SIK2: variants seen among roughly 807,000 people sequenced by gnomAD.
The protein encoded by SIK2 is serine/threonine-protein kinase SIK2.
In SIK2, 29 loss-of-function variants were observed where a neutral mutation model predicts 103.2. The observed-to-expected ratio is 0.28, with a 90% CI of 0.21 to 0.38. The LOEUF is 0.38. Among genes scored for constraint, SIK2 ranks in the 10% least tolerant of loss-of-function variants. The pLI is 1.00. For missense variants in SIK2, 879 were observed against 1,171.0 expected (o/e 0.75, Z 3.64); for synonymous variants, 412 against 446.1 (o/e 0.92, Z 0.96).
chr11:111,708,027 T>C (rs1383961232), intron 8 of SIK2, among the ~76,000 whole-genome samples: 1 of 152,214 alleles, frequency 6.6e-6, no homozygotes, highest in Admixed American at 6.5e-5. Flanking sequence ...CTAGCCACTG[T>C]GGCTTCAGAA....
At position 111,728,726 on chromosome 11, in the gene SIK2, A is replaced by C. The variant is rs996432746; in HGVS notation, c.*4597A>C. On this transcript the variant is annotated 3_prime_UTR_variant, in exon 15 of 15. Coordinates refer to ENST00000304987, the MANE Select transcript of SIK2 (RefSeq NM_015191.3). The stretch of plus-strand genomic sequence containing the variant: ...GGCGGATCACGAGGTCAGGAGATTG[A>C]GACCATCCTAACACAGTGAAACGCC... The C allele has an allele frequency of 6.6e-6, 1 of 152,156 alleles. No individual in the cohort carries two copies. Among genetic ancestry groups the C allele is most frequent in the African/African-American group, 2.4e-5 (1 of 41,402 alleles). 9.4% of individuals were successfully genotyped at this position (152,156 alleles called of 1,614,324 possible).
chr11:111,687,188 A>T (rs1334125982), intron 3 of SIK2, among the ~76,000 whole-genome samples: 1 of 152,142 alleles, frequency 6.6e-6, no homozygotes, highest in African/African-American at 2.4e-5. Flanking sequence ...TTGGGCTGTC[A>T]CCATTTATTT....
At chr11:111,660,390 A>C (rs2135870767) in intron 3 of SIK2, among the ~76,000 whole-genome samples, 2 of 152,312 alleles carry the variant, frequency 1.3e-5, no homozygotes, top group Middle Eastern at 6.8e-3. Flanking sequence ...ATTTTACCTG[A>C]AGAAAATTGA....
In SIK2 at chr11:111,723,673, C is replaced by A. The variant is rs111728096; in HGVS notation, c.2325C>A (p.Ser775Arg). The A allele has an allele frequency of 6.2e-7, 1 of 1,613,716 alleles. No homozygotes were observed. Among genetic ancestry groups the A allele is most frequent in the African/African-American group, 1.3e-5 (1 of 74,930 alleles). The change falls in exon 15 of 15, where the codon AGC becomes AGA. Residue 775 changes from serine to arginine, a missense_variant. This residue lies in a region of SIK2 where 375 missense variants were observed against 416.3 expected (regional missense o/e 0.90). Transcript: ENST00000304987. ...APPFSLTQPL[S>R]PVLEPSSEQM... ...CGTTCAGCCTGACCCAGCCCCTGAG[C>A]CCCGTCCTGGAGCCTTCCTCCGAGC... is the stretch of plus-strand genomic sequence containing the variant.
At position 111,728,307 on chromosome 11, in the gene SIK2, G is replaced by C. The variant is rs1944044348; in HGVS notation, c.*4178G>C. The C allele has an allele frequency of 4.1e-5, 5 of 122,880 alleles. No individual in the cohort carries two copies. In the Admixed American group the frequency reaches 4.1e-4, roughly 10 times the overall value. The allele number at this position is 122,880 out of a possible 1,614,324, so 7.6% of individuals were successfully genotyped here. The stretch of plus-strand genomic sequence containing the variant: ...AATTTATTTAATTTTTTTTTTTTTT[G>C]AGACAGAGTCTCGCTCTGTCACCCA... On this transcript the variant is annotated 3_prime_UTR_variant, in exon 15 of 15. Transcript: ENST00000304987.
In SIK2 at chr11:111,719,759, C is replaced by T; in HGVS notation, c.1267-16C>T. On this transcript the variant is annotated splice_polypyrimidine_tract_variant and intron_variant, in intron 9 of 14. Coordinates refer to ENST00000304987, the MANE Select transcript of SIK2 (RefSeq NM_015191.3). The stretch of plus-strand genomic sequence containing the variant: ...GCAGTGCAGAAACTGAGTTTCCTCT[C>T]TCCCCTGGCGTTTAGGTCAATGGCT... The T allele has an allele frequency of 6.2e-7, 1 of 1,607,186 alleles. No individual in the cohort carries two copies. The highest frequency in any genetic ancestry group is 1.1e-5 in the South Asian group (1 of 89,816).
At position 111,701,533 on chromosome 11, in the gene SIK2, G is replaced by C. The variant is rs1285232196; in HGVS notation, c.685G>C (p.Val229Leu). The C allele has an allele frequency of 6.2e-7, 1 of 1,613,926 alleles. No homozygotes were observed. The change falls in exon 6 of 15, where the codon GTT becomes CTT. Residue 229 changes from valine to leucine, a missense_variant. Coordinates refer to ENST00000304987, the MANE Select transcript of SIK2 (RefSeq NM_015191.3). This position sits in a 1 kb window ranked among gnomAD's most constrained non-coding sequence, Gnocchi z 4.2. ...GACTCTTCCAATTTTGAGGCAGAGG[G>C]TTCTGGAAGGAAGATTCCGGATTCC... Reference protein sequence around the residue: ...GPTLPILRQRVLEGRFRIPYF... With the variant: ...GPTLPILRQRLLEGRFRIPYF...
Position 111,724,031 on chromosome 11 carries a change from T to C in SIK2, c.2683T>C (p.Tyr895His). 6.2e-7 allele frequency: 1 copy of C among 1,614,194 alleles called. No individual in the cohort carries two copies. The highest frequency in any genetic ancestry group is 8.5e-7 in the Non-Finnish European group (1 of 1,180,040). Residue 895 changes from tyrosine to histidine, a missense_variant, in exon 15 of 15, where the codon TAC (tyrosine) becomes CAC (histidine). Physicochemically the swap from Tyr to His is moderately conservative, Grantham distance 83 (BLOSUM62 2). Coordinates refer to ENST00000304987, the MANE Select transcript of SIK2 (RefSeq NM_015191.3). ...SPGLQEAPSS[Y>H]DPLALSELPG... ...AGGACTGCAAGAGGCCCCCTCCAGC[T>C]ACGACCCACTAGCCCTCTCTGAGCT...
At chr11:111,685,831 A>T (rs1004247303) in intron 3 of SIK2, among the ~76,000 whole-genome samples, 2 of 152,196 alleles carry the variant, frequency 1.3e-5, no homozygotes, top group African/African-American at 4.8e-5. Context: ...CCTGGGCAAC[A>T]AAAGAGTGAG....
At chr11:111,672,116 G>A (rs1275951499) in intron 3 of SIK2, 3 of 461,732 alleles carry the variant, frequency 6.5e-6, no homozygotes, top group Non-Finnish European at 1.2e-5. Flanking sequence ...TCCTTCTCCT[G>A]GTTACACACG....
chr11:111,705,117 T>C lies in SIK2; in HGVS notation c.1079T>C (p.Ile360Thr). The change falls in exon 8 of 15, where the codon ATT becomes ACT. Residue 360 changes from isoleucine (I) to threonine (T), a missense_variant. Ile to Thr is a moderately conservative substitution (Grantham distance 89, BLOSUM62 -1). This residue lies in a region of SIK2 where 99 missense variants were observed against 153.9 expected (regional missense o/e 0.64). Coordinates refer to ENST00000304987, the MANE Select transcript of SIK2 (RefSeq NM_015191.3). This position sits in a 1 kb window ranked among gnomAD's most constrained non-coding sequence, Gnocchi z 4.3. ...LDGRQRRPSTIAEQTVAKAQT... is the reference protein window; with the variant it reads ...LDGRQRRPSTTAEQTVAKAQT... ...GGCCGCCAGCGTCGGCCTAGCACCA[T>C]TGCTGAGCAAACAGTTGCCAAGGTA... 2 of 1,578,564 alleles carry C rather than the reference T, an allele frequency of 1.3e-6. No homozygotes were observed. The highest frequency in any genetic ancestry group is 1.7e-6 in the Non-Finnish European group (2 of 1,169,160).
chr11:111,722,001 A>T lies in SIK2; in HGVS notation c.2055+61A>T. The stretch of plus-strand genomic sequence containing the variant: ...CTCATCCAGAATCTGTTCTTCTGCA[A>T]AGCAGAAACGTGTTTTGCCTGGCAT... On this transcript the variant is annotated intron_variant, in intron 13 of 14. Coordinates refer to ENST00000304987, the MANE Select transcript of SIK2 (RefSeq NM_015191.3). This position sits in a 1 kb window ranked among gnomAD's most constrained non-coding sequence, Gnocchi z 4.4. 1 of 1,329,470 alleles carries T rather than the reference A, an allele frequency of 7.5e-7. No homozygotes were observed. Among genetic ancestry groups the T allele is most frequent in the Non-Finnish European group, 1.0e-6 (1 of 977,030 alleles). 82.4% of individuals were successfully genotyped at this position (1,329,470 alleles called of 1,614,324 possible).
rs932211732 is a variant in SIK2 at position 111,722,974 on chromosome 11, T to C, written c.2147+218T>C. Among the ~76,000 whole-genome samples, 1 of 152,204 alleles carries C rather than the reference T, an allele frequency of 6.6e-6. No homozygotes were observed. The highest frequency in any genetic ancestry group is 2.4e-5 in the African/African-American group (1 of 41,462). ...GGCAGCCCCACAGTGTACTTTGTTT[T>C]CCTTTTCTTCTAGCGTTTCCTCTTT... is the stretch of plus-strand genomic sequence containing the variant. On this transcript the variant is annotated intron_variant, in intron 14 of 14. Coordinates refer to ENST00000304987, the MANE Select transcript of SIK2 (RefSeq NM_015191.3). This position sits in a 1 kb window ranked among gnomAD's most constrained non-coding sequence, Gnocchi z 4.4.
intron 1 of SIK2, among the ~76,000 whole-genome samples, chr11:111,604,440 T>C (rs1941622594): frequency 6.6e-6 from 1 of 152,270 alleles, no homozygotes; most frequent in Admixed American, 6.5e-5. Flanking sequence ...CTGGGATTAA[T>C]AGCAAGATTT....
intron 3 of SIK2, 31 bp downstream of exon 3, chr11:111,620,433 T>C: frequency 6.9e-7 from 1 of 1,440,284 alleles, no homozygotes; most frequent in East Asian, 2.3e-5. Flanking sequence ...TTTCTATTAA[T>C]TTGAAAAATT....
Position 111,724,101 on chromosome 11 carries a change from AACAC to A in SIK2, c.2755_2758del (p.His919ThrfsTer6). On this transcript the variant is annotated frameshift_variant, in exon 15 of 15. Transcript: ENST00000304987. LOFTEE classifies it high-confidence loss of function. ...GAAATGCTAGACGCTGTGGATCCAC[AACAC>A]AACGGGTATGTCCTGGTGAATTAGT... The A allele has an allele frequency of 6.2e-7, 1 of 1,612,530 alleles. No individual in the cohort carries two copies. The highest frequency in any genetic ancestry group is 1.7e-5 in the Admixed American group (1 of 60,034).
At chr11:111,656,805 T>C (rs1372229752) in intron 3 of SIK2, among the ~76,000 whole-genome samples, 1 of 152,228 alleles carries the variant, frequency 6.6e-6, no homozygotes, top group Non-Finnish European at 1.5e-5. Context: ...TTTTCTGACT[T>C]AATCTTTTCT....
rs559933555 is a variant in SIK2 at position 111,622,544 on chromosome 11, G to A, written c.316+2142G>A. 3.1e-3 allele frequency among the ~76,000 whole-genome samples: 472 copies of A among 152,122 alleles called. 3 individuals carry two copies. The highest frequency in any genetic ancestry group is 0.011 in the African/African-American group (451 of 41,514). ...GCTGGGATTACAGGCGTGAGCCACC[G>A]CACCCGGCGTCTGAAGGATTTTCTT... On this transcript the variant is annotated intron_variant, in intron 3 of 14. Transcript: ENST00000304987.
intron 3 of SIK2, among the ~76,000 whole-genome samples, chr11:111,632,935 C>T (rs1340971021): frequency 1.3e-5 from 2 of 152,068 alleles, no homozygotes; most frequent in Non-Finnish European, 2.9e-5. Flanking sequence ...GTATTCCCTC[C>T]TTATCTATAA....
Sources: gnomAD v4.1 joint callset for allele counts (sites outside exome capture counted in the v4.1 genomes callset) on GRCh38, gnomAD v4.1.1 for gene constraint, gnomAD v4.1.1 regional missense constraint, Gnocchi (gnomAD v3.1) non-coding constraint, MANE v1.5 for transcripts, NCBI Gene and HGNC (gene_info 2026-07-23, HGNC 2026-07-21) for gene names.